SH3GL2: variants seen among roughly 807,000 people sequenced by gnomAD.
SH3GL2 encodes endophilin-A1.
A neutral mutation model predicts 46.0 loss-of-function variants in SH3GL2; 24 were observed. The ratio of observed to expected loss-of-function variants is 0.52; its 90% CI spans 0.38 to 0.73. SH3GL2 has a LOEUF of 0.73. Among genes scored for constraint, SH3GL2 ranks in the 30% least tolerant of loss-of-function variants. The pLI, the probability that SH3GL2 is intolerant of heterozygous loss-of-function variation, is 0.00. For synonymous variants in SH3GL2, 196 were observed against 147.1 expected, an observed-to-expected ratio of 1.33 and a Z score of -2.40; for missense variants, 413 against 424.2, an observed-to-expected ratio of 0.97 and a Z score of 0.23.
At chr9:17,793,020 C>T (rs1034969663) in intron 7 of SH3GL2, among the ~76,000 whole-genome samples, 1 of 152,058 alleles carries the variant, frequency 6.6e-6, no homozygotes, top group Non-Finnish European at 1.5e-5. Context: ...GGTATGCATC[C>T]CCTCAAGCAT....
chr9:17,747,719 A>G (rs931520137), intron 2 of SH3GL2, among the ~76,000 whole-genome samples: 12 of 151,968 alleles, frequency 7.9e-5, no homozygotes, highest in Admixed American at 7.9e-4. Context: ...CTGTTGCCCA[A>G]GCTGGAGTGC....
intron 1 of SH3GL2, among the ~76,000 whole-genome samples, chr9:17,726,358 C>G (rs575603228): frequency 2.0e-5 from 3 of 152,220 alleles, no homozygotes; most frequent in African/African-American, 7.2e-5. Flanking sequence ...AATATGAATG[C>G]TACTTCATAG....
intron 1 of SH3GL2, among the ~76,000 whole-genome samples, chr9:17,675,641 A>G (rs1820588162): frequency 6.6e-6 from 1 of 152,348 alleles, no homozygotes; most frequent in South Asian, 2.1e-4. Context: ...TGTCAGAAAT[A>G]TACTGATAAA....
intron 1 of SH3GL2, among the ~76,000 whole-genome samples, chr9:17,664,442 C>A (rs1408383134): frequency 6.6e-6 from 1 of 152,042 alleles, no homozygotes; most frequent in African/African-American, 2.4e-5. Flanking sequence ...CAACTTTATA[C>A]CTCTTTGCCT....
At chr9:17,724,383 C>A (rs1483053292) in intron 1 of SH3GL2, among the ~76,000 whole-genome samples, 2 of 152,108 alleles carry the variant, frequency 1.3e-5, no homozygotes, top group African/African-American at 4.8e-5. Flanking sequence ...ACATTGTCAT[C>A]ATGCCTTACT....
chr9:17,631,553 A>G (rs918760707), intron 1 of SH3GL2, among the ~76,000 whole-genome samples: 1 of 152,136 alleles, frequency 6.6e-6, no homozygotes, highest in African/African-American at 2.4e-5. Context: ...TATCCTGGAG[A>G]AAACAAAGCC....
At chr9:17,688,563 C>T (rs893889701) in intron 1 of SH3GL2, among the ~76,000 whole-genome samples, 6 of 151,822 alleles carry the variant, frequency 4.0e-5, no homozygotes, top group Admixed American at 6.6e-5. Flanking sequence ...CAGGGCACCT[C>T]GGAGAAATGG....
chr9:17,609,366 C>T (rs1423525708), intron 1 of SH3GL2, among the ~76,000 whole-genome samples: 1 of 151,924 alleles, frequency 6.6e-6, no homozygotes, highest in African/African-American at 2.4e-5. Flanking sequence ...ATCCATTGAG[C>T]ACTTTTTGGG....
chr9:17,622,018 G>A (rs1819152879), intron 1 of SH3GL2, among the ~76,000 whole-genome samples: 1 of 152,096 alleles, frequency 6.6e-6, no homozygotes, highest in African/African-American at 2.4e-5. Flanking sequence ...TGCCTCCAGA[G>A]CCAGGAGATC....
chr9:17,770,128 C>G (rs944996649), intron 3 of SH3GL2, among the ~76,000 whole-genome samples: 20 of 152,130 alleles, frequency 1.3e-4, no homozygotes, highest in African/African-American at 4.8e-4. Context: ...TGTGTAATAT[C>G]TATTTGGTGT....
intron 3 of SH3GL2, among the ~76,000 whole-genome samples, chr9:17,776,040 A>C (rs1277039460): frequency 2.6e-5 from 4 of 152,206 alleles, no homozygotes; most frequent in Non-Finnish European, 5.9e-5. Flanking sequence ...TCTTTCCCAA[A>C]ATACTGCCAT....
intron 5 of SH3GL2, among the ~76,000 whole-genome samples, chr9:17,789,133 A>G (rs766738114): frequency 1.1e-4 from 17 of 152,210 alleles, no homozygotes; most frequent in Non-Finnish European, 2.4e-4. Flanking sequence ...TTGGCCTGAC[A>G]AGGCCAGAAA....
At chr9:17,714,841 C>A (rs1477119273) in intron 1 of SH3GL2, among the ~76,000 whole-genome samples, 1 of 151,496 alleles carries the variant, frequency 6.6e-6, no homozygotes, top group Non-Finnish European at 1.5e-5. Flanking sequence ...TCATGTAGAT[C>A]CAGATTTTCA....
intron 1 of SH3GL2, among the ~76,000 whole-genome samples, chr9:17,719,627 CA>C (rs899133581): frequency 6.6e-6 from 1 of 151,496 alleles, no homozygotes; most frequent in African/African-American, 2.4e-5. Flanking sequence ...CTGTCTCTAC[CA>C]AAAAATAAAA....
chr9:17,584,428 A>G (rs1818333496), intron 1 of SH3GL2, among the ~76,000 whole-genome samples: 1 of 152,174 alleles, frequency 6.6e-6, no homozygotes, highest in African/African-American at 2.4e-5. Flanking sequence ...GCCTGAACCC[A>G]GGAGGCCGAG....
chr9:17,748,839 C>T (rs1019660468), intron 2 of SH3GL2, among the ~76,000 whole-genome samples: 2 of 151,960 alleles, frequency 1.3e-5, no homozygotes, highest in African/African-American at 4.8e-5. Context: ...GAGAACCTTC[C>T]TGATAGTTAA....
At chr9:17,661,414 A>G (rs1375584477) in intron 1 of SH3GL2, among the ~76,000 whole-genome samples, 7 of 152,286 alleles carry the variant, frequency 4.6e-5, no homozygotes, top group Admixed American at 4.6e-4. Flanking sequence ...AGATGTGTAC[A>G]CAGTGGTGTA....
intron 3 of SH3GL2, among the ~76,000 whole-genome samples, chr9:17,767,095 A>T (rs985099498): frequency 3.3e-5 from 5 of 152,212 alleles, no homozygotes; most frequent in African/African-American, 1.2e-4. Flanking sequence ...ATAATCTAAT[A>T]CAAATTTCCA....
chr9:17,647,513 C>G (rs1458416183), intron 1 of SH3GL2, among the ~76,000 whole-genome samples: 1 of 151,992 alleles, frequency 6.6e-6, no homozygotes, highest in Non-Finnish European at 1.5e-5. Flanking sequence ...AAATTGAGAC[C>G]ACAAAGCTGT....
Sources: allele counts gnomAD v4.1 joint callset (sites outside exome capture counted in the v4.1 genomes callset), GRCh38; gene constraint gnomAD v4.1.1; transcripts MANE v1.5; gene names NCBI Gene and HGNC (gene_info 2026-07-23, HGNC 2026-07-21).